Variants in NOL10 observed in about 807,000 individuals in gnomAD.
NOL10 encodes the protein nucleolar protein 10.
In NOL10, 58 loss-of-function variants were observed where a neutral mutation model predicts 103.5. The ratio of observed to expected loss-of-function variants is 0.56; its 90% CI spans 0.45 to 0.70. The LOEUF is 0.70. NOL10 is among the 30% of genes least tolerant of loss of function. NOL10 has a pLI of 0.00. For missense variants in NOL10, 763 were observed against 807.3 expected, an observed-to-expected ratio of 0.95 and a Z score of 0.67; for synonymous variants, 287 against 282.5, an observed-to-expected ratio of 1.02 and a Z score of -0.16.
intron 16 of NOL10, among the ~76,000 whole-genome samples, chr2:10,601,886 A>C (rs1675992535): frequency 6.6e-6 from 1 of 152,244 alleles, no homozygotes; most frequent in African/African-American, 2.4e-5. Context: ...AACAGTCACT[A>C]GTCTTTTATA....
intron 8 of NOL10, among the ~76,000 whole-genome samples, chr2:10,664,349 AC>A: frequency 1.3e-5 from 2 of 152,154 alleles, no homozygotes; most frequent in South Asian, 4.2e-4. Flanking sequence ...AATCGCTTGA[AC>A]CTGGGAGGCA....
At chr2:10,590,874 T>G (rs1675357193) in intron 17 of NOL10, 1 of 152,198 alleles carries the variant, frequency 6.6e-6, no homozygotes, top group South Asian at 2.1e-4. Context: ...TGAAACGGCT[T>G]ACTCAGAATT....
intron 13 of NOL10, chr2:10,622,066 C>A (rs1269185633): frequency 2.1e-6 from 1 of 471,104 alleles, no homozygotes; most frequent in Non-Finnish European, 4.4e-6. Context: ...ACACAGGACA[C>A]AGCAGATATA....
chr2:10,632,283 A>G (rs1677900240), intron 13 of NOL10, among the ~76,000 whole-genome samples: 1 of 152,254 alleles, frequency 6.6e-6, no homozygotes, highest in African/African-American at 2.4e-5. Flanking sequence ...ATATAGACGT[A>G]AAGAAGTAAA....
chr2:10,642,436 G>A (rs572455528), intron 13 of NOL10, among the ~76,000 whole-genome samples: 10 of 152,108 alleles, frequency 6.6e-5, no homozygotes, highest in Admixed American at 2.6e-4. Flanking sequence ...ATTCCCCTGC[G>A]GCAGCAAAAG....
rs145303141 is a variant in NOL10, at chr2:10,582,919, G to A, written c.1845-5181C>T. Among the ~76,000 whole-genome samples the A allele has an allele frequency of 1.1e-3, 175 of 152,222 alleles. 4 individuals carry two copies. The East Asian group carries it at 0.026, about 22-fold the overall frequency. The stretch of plus-strand genomic sequence containing the variant: ...TACCAAACTTCTTGAAAGACTCACC[G>A]ACACTAACTGTTTACTGTGTTTTCT... On this transcript the variant is annotated intron_variant, in intron 19 of 20. Transcript: ENST00000381685.
Position 10,589,194 on chromosome 2 carries a change from G to A in NOL10, c.1693C>T (p.Arg565Cys), listed in dbSNP as rs546811374. ...KAWVEEVRKQ[R>C]RLLQQEEKVK... ...TTTTCCTCCTGCTGGAGGAGTCTGC[G>A]TTGCTTCCTGACCTCTTCAACCCAG... is the stretch of plus-strand genomic sequence containing the variant. Residue 565 changes from arginine (R) to cysteine (C), a missense_variant, in exon 19 of 21, where the codon CGC (arginine) becomes TGC (cysteine). Coordinates refer to ENST00000381685, the MANE Select transcript of NOL10 (RefSeq NM_024894.4). 9.7e-5 allele frequency: 157 copies of A among 1,613,992 alleles called. No individual in the cohort carries two copies. The highest frequency in any genetic ancestry group is 1.3e-4 in the East Asian group (6 of 44,884).
chr2:10,606,617 A>AG, intron 14 of NOL10, among the ~76,000 whole-genome samples: 1 of 152,048 alleles, frequency 6.6e-6, no homozygotes, highest in African/African-American at 2.4e-5. Flanking sequence ...CAAAAAAAAA[A>AG]AAAAAAAAAA....
intron 5 of NOL10, 130 bp downstream of exon 5, chr2:10,673,390 T>C: frequency 2.0e-6 from 1 of 503,676 alleles, no homozygotes; most frequent in Non-Finnish European, 3.4e-6. Flanking sequence ...GCCATTTTTG[T>C]TTAACAATAG....
At chr2:10,651,666 A>C (rs1679470174) in intron 12 of NOL10, among the ~76,000 whole-genome samples, 1 of 152,000 alleles carries the variant, frequency 6.6e-6, no homozygotes, top group Admixed American at 6.6e-5. Flanking sequence ...GTGCCCTTCA[A>C]ACTGTCACTC....
chr2:10,572,012 G>A lies in NOL10; in HGVS notation c.*59C>T. 7 of 1,586,892 alleles carry A rather than the reference G, an allele frequency of 4.4e-6. No individual in the cohort carries two copies. The highest frequency in any genetic ancestry group is 2.2e-5 in the East Asian group (1 of 44,680). On this transcript the variant is annotated 3_prime_UTR_variant, in exon 21 of 21. Transcript: ENST00000381685. ...CCTCGTCTGTGTTTAACACCCTAAC[G>A]ATGATCAGTTTGGGGGAGACGTACC...
At chr2:10,670,690 G>A (rs745648093) in intron 6 of NOL10, among the ~76,000 whole-genome samples, 18 of 152,092 alleles carry the variant, frequency 1.2e-4, no homozygotes, top group East Asian at 1.9e-4. Context: ...AGCCAAGATC[G>A]TACCACTGCA....
intron 13 of NOL10, among the ~76,000 whole-genome samples, chr2:10,618,214 T>C (rs1215561522): frequency 1.4e-5 from 2 of 144,466 alleles, no homozygotes; most frequent in East Asian, 4.0e-4. Flanking sequence ...CTTCATGGTA[T>C]GTGTATTATG....
At position 10,674,080 on chromosome 2, in the gene NOL10, T is replaced by C. The variant is rs148072412; in HGVS notation, c.290-523A>G. ...AAACAGAAAAAAAATTAGCCAGACATGGTGGTGCATGCCTGTGATCCCAGC... is the reference window on the plus strand; with the variant it reads ...AAACAGAAAAAAAATTAGCCAGACACGGTGGTGCATGCCTGTGATCCCAGC... On this transcript the variant is annotated intron_variant, in intron 4 of 20. Coordinates refer to ENST00000381685, the MANE Select transcript of NOL10 (RefSeq NM_024894.4). 2.2e-3 allele frequency among the ~76,000 whole-genome samples: 328 copies of C among 150,772 alleles called. 3 individuals are homozygous for C. Among genetic ancestry groups the C allele is most frequent in the African/African-American group, 7.7e-3 (318 of 41,132 alleles).
rs1298666585 is a variant in NOL10, at chr2:10,587,260, CAT to C, written c.1844+1781_1844+1782del. ...ATATACATACATATATATATATACA[CAT>C]ATATATATATATATTTTTTTTTTTT... On this transcript the variant is annotated intron_variant, in intron 19 of 20. Transcript: ENST00000381685. Among the ~76,000 whole-genome samples, 12 of 22,458 alleles carry C rather than the reference CAT, an allele frequency of 5.3e-4. 3 individuals are homozygous for C. The highest frequency in any genetic ancestry group is 5.3e-3 in the South Asian group (8 of 1,498). The allele number at this position is 22,458 out of a possible 152,430, so 14.7% of individuals were successfully genotyped here. A position where few individuals can be genotyped will look rare whatever the true frequency, so the allele number is the denominator to read the frequency against.
rs551865672 is a variant in NOL10 at position 10,581,284 on chromosome 2, C to A, written c.1845-3546G>T. 5.9e-5 allele frequency among the ~76,000 whole-genome samples: 9 copies of A among 152,280 alleles called. No homozygotes were observed. The East Asian group carries it at 1.2e-3, about 20-fold the overall frequency. ...TGATCTGGCAGTCTCTTATCGCATA[C>A]CCCCGCTGATCCAGCAAACTCCTAC... On this transcript the variant is annotated intron_variant, in intron 19 of 20. Coordinates refer to ENST00000381685, the MANE Select transcript of NOL10 (RefSeq NM_024894.4).
At chr2:10,615,358 G>A (rs984388808) in intron 13 of NOL10, among the ~76,000 whole-genome samples, 19 of 152,168 alleles carry the variant, frequency 1.2e-4, no homozygotes, top group Admixed American at 5.9e-4. Flanking sequence ...AAAAAAAATT[G>A]TTAAGATTCC....
chr2:10,610,310 C>T (rs1356610844), intron 13 of NOL10, among the ~76,000 whole-genome samples: 1 of 152,202 alleles, frequency 6.6e-6, no homozygotes, highest in African/African-American at 2.4e-5. Flanking sequence ...TTGACTTTCA[C>T]ATAGCCCTCT....
At chr2:10,595,592 TGTTTTG>T (rs1675640388) in intron 17 of NOL10, among the ~76,000 whole-genome samples, 35 of 133,994 alleles carry the variant, frequency 2.6e-4, no homozygotes, top group East Asian at 1.2e-3. Flanking sequence ...TTTTTTGTTT[TGTTTTG>T]TTTTTGTTTG....
Sources: allele counts gnomAD v4.1 joint callset (sites outside exome capture counted in the v4.1 genomes callset), GRCh38; gene constraint gnomAD v4.1.1; transcripts MANE v1.5; gene names NCBI Gene and HGNC (gene_info 2026-07-23, HGNC 2026-07-21).